The following EIF1AX variants were observed in gnomAD, a reference collection of about 807,000 sequenced individuals.
EIF1AX encodes the protein eukaryotic translation initiation factor 1A X-linked.
In EIF1AX, 1 loss-of-function variant was observed where a neutral mutation model predicts 16.1. That is an observed-to-expected ratio of 0.06 (90% CI 0.02 to 0.30). The LOEUF (loss-of-function observed/expected upper bound fraction) is 0.30. Among genes scored for constraint, EIF1AX ranks in the 10% least tolerant of loss-of-function variants. The pLI is 1.00. For synonymous variants in EIF1AX, 32 were observed against 37.3 expected (o/e 0.86, Z 0.51); for missense variants, 11 against 109.1 (o/e 0.10, Z 4.00).
intron 5 of EIF1AX, among the ~76,000 whole-genome samples, chrX:20,131,981 C>T (rs1404299699): frequency 9.2e-6 from 1 of 108,251 alleles, no homozygotes; most frequent in East Asian, 2.9e-4. Context: ...GCTTACAGAA[C>T]TCCTCACCAT....
At chrX:20,135,686 G>T in intron 3 of EIF1AX, 52 bp downstream of exon 3, 1 of 936,080 alleles carries the variant, frequency 1.1e-6, no homozygotes, top group Non-Finnish European at 1.5e-6. Flanking sequence ...AACTGTAGAG[G>T]GATTTTCCCC....
At chrX:20,134,059 A>G (rs1414561193) in intron 3 of EIF1AX, 52 bp from the exon 4 acceptor site, 1 of 1,109,511 alleles carries the variant, frequency 9.0e-7, no homozygotes, top group East Asian at 3.0e-5. Context: ...AAGAATCAAG[A>G]AATTCCAGAG....
Position 20,125,771 on chromosome X carries a change from A to T in EIF1AX, c.*2535T>A. The T allele has an allele frequency of 6.3e-6, 1 of 158,689 alleles. No individual in the cohort carries two copies. The highest frequency in any genetic ancestry group is 1.2e-5 in the Non-Finnish European group (1 of 80,674). The allele number at this position is 158,689 out of a possible 1,213,427, so 13.1% of individuals were successfully genotyped here. A position where few individuals can be genotyped will look rare whatever the true frequency, so the allele number is the denominator to read the frequency against. ...ATTAGATGAGATTAAGTTAAATTAC[A>T]AGTCACAAAGAGTTTGTAAGCAAAC... is the stretch of plus-strand genomic sequence containing the variant. On this transcript the variant is annotated 3_prime_UTR_variant, in exon 7 of 7. Coordinates refer to ENST00000379607, the MANE Select transcript of EIF1AX (RefSeq NM_001412.4).
intron 2 of EIF1AX, among the ~76,000 whole-genome samples, chrX:20,137,338 T>C (rs982996456): frequency 3.6e-5 from 4 of 110,616 alleles, no homozygotes; most frequent in East Asian, 2.8e-4. Context: ...CCCAGCTACT[T>C]GGGAGGCTGA....
chrX:20,131,480 A>C (rs775987495), intron 5 of EIF1AX, among the ~76,000 whole-genome samples: 3 of 109,634 alleles, frequency 2.7e-5, no homozygotes, highest in Admixed American at 9.8e-5. Flanking sequence ...TAAAACTACA[A>C]AATTAGCCGG....
Position 20,129,045 on chromosome X carries a change from T to A in EIF1AX, c.430-734A>T, listed in dbSNP as rs1044874083. On this transcript the variant is annotated intron_variant, in intron 6 of 6. Coordinates refer to ENST00000379607, the MANE Select transcript of EIF1AX (RefSeq NM_001412.4). ...AGCTCTTATTTACCAAAGAATAGAA[T>A]TGTTAATTCTATTGTCAAAATATTA... 2.7e-4 allele frequency among the ~76,000 whole-genome samples: 30 copies of A among 111,186 alleles called. 1 individual carries two copies. Among genetic ancestry groups the A allele is most frequent in the African/African-American group, 9.8e-4 (30 of 30,526 alleles).
In EIF1AX at chrX:20,132,276, C is replaced by A; in HGVS notation, c.256-13G>T. 1.8e-6 allele frequency: 2 copies of A among 1,091,177 alleles called. No homozygotes were observed. The highest frequency in any genetic ancestry group is 3.0e-5 in the East Asian group (1 of 33,123). The allele number at this position is 1,091,177 out of a possible 1,213,427, so 89.9% of individuals were successfully genotyped here. A position where few individuals can be genotyped will look rare whatever the true frequency, so the allele number is the denominator to read the frequency against. On this transcript the variant is annotated splice_polypyrimidine_tract_variant and intron_variant, in intron 4 of 6. Coordinates refer to ENST00000379607, the MANE Select transcript of EIF1AX (RefSeq NM_001412.4). ...CAGCTTTGTTATCCTTAAATAGAGA[C>A]AAATAACTTTAAAAAACTGATCATA...
At chrX:20,134,680 C>T (rs1220249166) in intron 3 of EIF1AX, among the ~76,000 whole-genome samples, 1 of 108,756 alleles carries the variant, frequency 9.2e-6, no homozygotes, top group African/African-American at 3.4e-5. Context: ...GGAGATTGCA[C>T]TGAGCCAAGA....
intron 5 of EIF1AX, 90 bp downstream of exon 5, chrX:20,132,092 A>T: frequency 1.4e-6 from 1 of 695,538 alleles, no homozygotes; most frequent in Non-Finnish European, 2.1e-6. Context: ...GCACTAAAGT[A>T]AATAAGCAAA....
chrX:20,137,794 T>C (rs1383223504), intron 2 of EIF1AX, among the ~76,000 whole-genome samples: 1 of 110,932 alleles, frequency 9.0e-6, no homozygotes, highest in Admixed American at 9.6e-5. Flanking sequence ...CAACATATTA[T>C]ATGTACCATT....
At chrX:20,141,588 G>A in intron 1 of EIF1AX, 37 bp downstream of exon 1, 10 of 1,146,815 alleles carry the variant, frequency 8.7e-6, no homozygotes, top group Non-Finnish European at 1.2e-5. Context: ...AGACCCGGCC[G>A]AGCAGAGCCG....
chrX:20,128,828 TC>T (rs1464865087), intron 6 of EIF1AX, among the ~76,000 whole-genome samples: 1 of 111,638 alleles, frequency 9.0e-6, no homozygotes, highest in Non-Finnish European at 1.9e-5. Context: ...TTGGCCCAGA[TC>T]CAGAAATTTT....
chrX:20,131,401 G>A (rs1447246967), intron 5 of EIF1AX, among the ~76,000 whole-genome samples: 4 of 111,498 alleles, frequency 3.6e-5, no homozygotes, highest in Non-Finnish European at 5.7e-5. Flanking sequence ...GGTAGGCAGA[G>A]GTGGGTGGAT....
intron 1 of EIF1AX, among the ~76,000 whole-genome samples, chrX:20,141,250 T>C: frequency 9.0e-6 from 1 of 111,380 alleles, no homozygotes; most frequent in Middle Eastern, 4.7e-3. Context: ...CTTCCAGGGA[T>C]TATAACCCCT....
intron 3 of EIF1AX, among the ~76,000 whole-genome samples, chrX:20,134,889 T>C (rs1256012793): frequency 1.8e-5 from 2 of 112,339 alleles, no homozygotes; most frequent in Non-Finnish European, 3.8e-5. Flanking sequence ...TGATGGTGAA[T>C]TAATCATTAC....
intron 1 of EIF1AX, among the ~76,000 whole-genome samples, chrX:20,141,300 AG>A (rs1427990498): frequency 6.2e-4 from 69 of 111,731 alleles, no homozygotes; most frequent in Admixed American, 8.5e-4. Context: ...TACTAAACCT[AG>A]GCCGCCCCGG....
At chrX:20,137,274 T>C (rs1041738611) in intron 2 of EIF1AX, among the ~76,000 whole-genome samples, 1 of 109,727 alleles carries the variant, frequency 9.1e-6, no homozygotes, top group Non-Finnish European at 1.9e-5. Flanking sequence ...TGAAACCCCG[T>C]CTCTACTAAA....
At chrX:20,137,003 A>G (rs1198397005) in intron 2 of EIF1AX, among the ~76,000 whole-genome samples, 1 of 111,992 alleles carries the variant, frequency 8.9e-6, no homozygotes, top group Non-Finnish European at 1.9e-5. Flanking sequence ...TATGGAGTAT[A>G]TACTAGATAT....
chrX:20,131,290 T>G (rs922071846), intron 5 of EIF1AX, among the ~76,000 whole-genome samples: 2 of 111,824 alleles, frequency 1.8e-5, no homozygotes, highest in African/African-American at 6.5e-5. Context: ...AAAAATCCTA[T>G]GGGATACTAT....
Sources: gnomAD v4.1 joint callset for allele counts (sites outside exome capture counted in the v4.1 genomes callset) on GRCh38, gnomAD v4.1.1 for gene constraint, MANE v1.5 for transcripts, NCBI Gene and HGNC (gene_info 2026-07-23, HGNC 2026-07-21) for gene names.